Variants in RPRD2 observed in about 807,000 individuals in gnomAD.
RPRD2 encodes regulation of nuclear pre-mRNA domain containing 2, also known as regulation of nuclear pre-mRNA domain-containing protein 2.
Under a neutral mutation model 104.4 loss-of-function variants are expected in RPRD2, and 12 were observed. The ratio of observed to expected loss-of-function variants is 0.11; its 90% confidence interval spans 0.07 to 0.19. The LOEUF (loss-of-function observed/expected upper bound fraction) is 0.19, where lower values mean the gene tolerates loss of function less well. Among genes scored for constraint, RPRD2 ranks in the 10% least tolerant of loss-of-function variants. RPRD2 has a pLI of 1.00. For missense variants in RPRD2, 1,543 were observed against 1,790.1 expected (o/e 0.86, Z 2.49); for synonymous variants, 714 against 684.9 (o/e 1.04, Z -0.66).
chr1:150,390,567 A>C (rs1329624548), intron 1 of RPRD2, among the ~76,000 whole-genome samples: 4 of 152,112 alleles, frequency 2.6e-5, no homozygotes, highest in African/African-American at 9.6e-5. Flanking sequence ...GGAATCTAAA[A>C]TATATCAAGG....
At chr1:150,456,299 A>T (rs1027008476) in intron 7 of RPRD2, among the ~76,000 whole-genome samples, 1 of 152,124 alleles carries the variant, frequency 6.6e-6, no homozygotes, top group East Asian at 1.9e-4. Flanking sequence ...GGAGCAAGGG[A>T]ATATAAATTA....
intron 1 of RPRD2, among the ~76,000 whole-genome samples, chr1:150,371,552 G>A (rs1660300493): frequency 6.6e-6 from 1 of 152,126 alleles, no homozygotes; most frequent in South Asian, 2.1e-4. Flanking sequence ...TGCATTTTTG[G>A]TAGAGATGGG....
chr1:150,377,450 T>C (rs999940614), intron 1 of RPRD2, among the ~76,000 whole-genome samples: 7 of 151,484 alleles, frequency 4.6e-5, no homozygotes, highest in South Asian at 2.1e-4. Context: ...TACAAAAAAT[T>C]AGCCAGGCGT....
intron 1 of RPRD2, among the ~76,000 whole-genome samples, chr1:150,379,239 C>T (rs1250900541): frequency 6.0e-5 from 9 of 150,354 alleles, no homozygotes; most frequent in Non-Finnish European, 1.0e-4. Context: ...GCCCAGATCA[C>T]GCCGTTGCAC....
intron 1 of RPRD2, among the ~76,000 whole-genome samples, chr1:150,399,777 T>G (rs1662833402): frequency 6.6e-6 from 1 of 151,952 alleles, no homozygotes; most frequent in Admixed American, 6.6e-5. Flanking sequence ...AAAAATTGAT[T>G]GCCCACGTAT....
chr1:150,414,165 A>G lies in RPRD2; in HGVS notation c.206-3431A>G, dbSNP rs116183185. ...ACTGGTAAAGGGAAATCCAGGCTTGATATCTACAGATATGGGAGTCATTGA... is the reference window on the plus strand; with the variant it reads ...ACTGGTAAAGGGAAATCCAGGCTTGGTATCTACAGATATGGGAGTCATTGA... On this transcript the variant is annotated intron_variant, in intron 1 of 10. Transcript: ENST00000369068. 3.7e-3 allele frequency among the ~76,000 whole-genome samples: 571 copies of G among 152,280 alleles called. 6 individuals carry two copies. The highest frequency in any genetic ancestry group is 0.013 in the African/African-American group (549 of 41,558).
intron 2 of RPRD2, among the ~76,000 whole-genome samples, chr1:150,435,247 T>C (rs11580810): frequency 0.22 from 33,740 of 152,102 alleles, 4,269 homozygotes; most frequent in African/African-American, 0.32. Flanking sequence ...TTCTATCTCC[T>C]GGGACCTCCT....
At chr1:150,391,900 T>TC (rs1486859265) in intron 1 of RPRD2, among the ~76,000 whole-genome samples, 11 of 151,130 alleles carry the variant, frequency 7.3e-5, no homozygotes, top group African/African-American at 2.4e-4. Flanking sequence ...AGAATGAGAC[T>TC]CCATCTCAAA....
intron 9 of RPRD2, among the ~76,000 whole-genome samples, chr1:150,463,180 C>A (rs1364986794): frequency 6.6e-6 from 1 of 151,950 alleles, no homozygotes; most frequent in African/African-American, 2.4e-5. Flanking sequence ...TAAATTTTGC[C>A]AGGCAAGGTG....
chr1:150,400,992 C>T (rs587772927), intron 1 of RPRD2, among the ~76,000 whole-genome samples: 11 of 151,618 alleles, frequency 7.3e-5, no homozygotes, highest in African/African-American at 1.5e-4. Flanking sequence ...CTGGCTAACG[C>T]GGTGAAACTC....
At chr1:150,443,116 A>C in intron 4 of RPRD2, 115 bp from the exon 5 acceptor site, 1 of 651,212 alleles carries the variant, frequency 1.5e-6, no homozygotes, top group Non-Finnish European at 2.7e-6. Flanking sequence ...TATGACTTAA[A>C]TGTGCATGTT....
At chr1:150,388,073 C>T (rs1183258620) in intron 1 of RPRD2, among the ~76,000 whole-genome samples, 6 of 151,720 alleles carry the variant, frequency 4.0e-5, no homozygotes, top group East Asian at 1.9e-4. Context: ...TGCACTAGCA[C>T]GCCCAGCTAA....
At chr1:150,369,813 CT>C (rs1381183986) in intron 1 of RPRD2, among the ~76,000 whole-genome samples, 1 of 149,838 alleles carries the variant, frequency 6.7e-6, no homozygotes, top group African/African-American at 2.5e-5. Flanking sequence ...CAGAGTCTCA[CT>C]CTGTCGCCTA....
intron 7 of RPRD2, among the ~76,000 whole-genome samples, chr1:150,453,034 CTT>C (rs11342600): frequency 8.0e-4 from 107 of 132,922 alleles, no homozygotes; most frequent in Non-Finnish European, 7.7e-4. Context: ...AATATATTTA[CTT>C]TTTTTTTTTT....
rs751404098 is a variant in RPRD2 at position 150,471,042 on chromosome 1, C to T, written c.2094C>T (p.Ser698=). 9.7e-5 allele frequency: 156 copies of T among 1,613,882 alleles called. 1 individual carries two copies. Among genetic ancestry groups the T allele is most frequent in the Non-Finnish European group, 1.2e-4 (139 of 1,179,898 alleles). ...NIPILSSLGS[S]APSESHPSDF... ...CAATCCTGAGCAGTTTGGGGTCCAG[C>T]GCCCCATCAGAGAGCCATCCCTCAG... The change falls in exon 11 of 11, where the codon AGC becomes AGT. Residue 698 remains serine (S), a synonymous_variant. Transcript: ENST00000369068. The surrounding 1 kb of genome is among the most constrained non-coding windows in gnomAD (Gnocchi z 5.3).
intron 10 of RPRD2, among the ~76,000 whole-genome samples, chr1:150,465,959 G>A (rs2102428560): frequency 7.0e-6 from 1 of 143,190 alleles, no homozygotes; most frequent in South Asian, 2.1e-4. Flanking sequence ...ATCGCAGTAA[G>A]CCGGAATCAC....
In RPRD2 at chr1:150,449,757, G is replaced by C. The variant is rs371280861; in HGVS notation, c.870+3356G>C. ...AGGACTTCAACATATGAGTCAGGGG[G>C]TGCAGAGATAGATAATTCACCCATA... On this transcript the variant is annotated intron_variant, in intron 7 of 10. Transcript: ENST00000369068. Among the ~76,000 whole-genome samples the C allele has an allele frequency of 4.6e-5, 7 of 152,234 alleles. No individual in the cohort carries two copies. The East Asian group carries it at 7.7e-4, about 17-fold the overall frequency.
rs782216542 is a variant in RPRD2 at position 150,364,851 on chromosome 1, C to G, written c.137C>G (p.Ser46Cys). 6 of 1,613,840 alleles carry G rather than the reference C, an allele frequency of 3.7e-6. No homozygotes were observed. The South Asian group carries it at 6.6e-5, about 18-fold the overall frequency. ...NTMESIQGLSSWCIENKKHHS... is the reference protein window; with the variant it reads ...NTMESIQGLSCWCIENKKHHS... ...ATGGAGTCCATTCAAGGCTTGTCGT[C>G]TTGGTGTATAGAGAACAAAAAACAC... Residue 46 changes from serine to cysteine, a missense_variant, in exon 1 of 11, where the codon TCT becomes TGT. Around this residue, in one of 4 missense-constraint regions of RPRD2, gnomAD observed 88 missense variants for 96.6 expected, o/e 0.91. Transcript: ENST00000369068.
At chr1:150,400,142 A>C (rs1662862902) in intron 1 of RPRD2, among the ~76,000 whole-genome samples, 1 of 152,108 alleles carries the variant, frequency 6.6e-6, no homozygotes, top group African/African-American at 2.4e-5. Context: ...TGCTCTTATA[A>C]ATGGTACTAC....
Sources: gnomAD v4.1 joint callset for allele counts (sites outside exome capture counted in the v4.1 genomes callset) on GRCh38, gnomAD v4.1.1 for gene constraint, gnomAD v4.1.1 regional missense constraint, Gnocchi (gnomAD v3.1) non-coding constraint, MANE v1.5 for transcripts, NCBI Gene and HGNC (gene_info 2026-07-23, HGNC 2026-07-21) for gene names.